The following USP49 variants were observed in gnomAD, a reference collection of about 807,000 sequenced individuals.
USP49 encodes the protein ubiquitin specific peptidase 49, also known as ubiquitin carboxyl-terminal hydrolase 49.
A neutral mutation model predicts 58.6 loss-of-function variants in USP49; 24 were observed. The ratio of observed to expected loss-of-function variants is 0.41; its 90% CI spans 0.30 to 0.58. USP49 has a LOEUF of 0.58. Among genes scored for constraint, USP49 ranks in the 20% least tolerant of loss-of-function variants. The pLI is 0.30. For synonymous variants in USP49, 408 were observed against 365.1 expected, an observed-to-expected ratio of 1.12 and a Z score of -1.34; for missense variants, 703 against 866.1, an observed-to-expected ratio of 0.81 and a Z score of 2.36.
At chr6:41,887,611 T>C (rs796344005) in intron 2 of USP49, among the ~76,000 whole-genome samples, 4 of 152,316 alleles carry the variant, frequency 2.6e-5, no homozygotes, top group African/African-American at 9.6e-5. Flanking sequence ...CTTTAAAACA[T>C]ATCTTTAAAA....
At chr6:41,840,056 T>C (rs1187413345) in intron 3 of USP49, among the ~76,000 whole-genome samples, 2 of 151,948 alleles carry the variant, frequency 1.3e-5, no homozygotes, top group Non-Finnish European at 2.9e-5. Context: ...TAAATATCAG[T>C]ATAATGAATT....
intron 3 of USP49, among the ~76,000 whole-genome samples, chr6:41,817,392 C>T (rs536027597): frequency 1.3e-5 from 2 of 151,160 alleles, no homozygotes; most frequent in South Asian, 2.1e-4. Context: ...ATGATCCACC[C>T]GACTCGGCCT....
intron 2 of USP49, among the ~76,000 whole-genome samples, chr6:41,891,406 C>T (rs1774808306): frequency 6.6e-6 from 1 of 152,166 alleles, no homozygotes; most frequent in Non-Finnish European, 1.5e-5. Context: ...CATTTAATCT[C>T]AAGGACCCTC....
chr6:41,862,586 T>C (rs1408078647), intron 3 of USP49, among the ~76,000 whole-genome samples: 1 of 152,178 alleles, frequency 6.6e-6, no homozygotes, highest in Non-Finnish European at 1.5e-5. Context: ...TTAAAAATAC[T>C]AAAAGATCAG....
At chr6:41,818,219 A>G (rs569428898) in intron 3 of USP49, among the ~76,000 whole-genome samples, 2 of 152,294 alleles carry the variant, frequency 1.3e-5, no homozygotes, top group East Asian at 1.9e-4. Flanking sequence ...TATTCTTGCT[A>G]TAAGAGTTCT....
rs1208768760 is a variant in USP49 at position 41,791,453 on chromosome 6, G to T, written c.*5080C>A. 1 of 152,164 alleles carries T rather than the reference G, an allele frequency of 6.6e-6. No homozygotes were observed. The highest frequency in any genetic ancestry group is 1.5e-5 in the Non-Finnish European group (1 of 68,034). 9.4% of individuals were successfully genotyped at this position (152,164 alleles called of 1,614,324 possible). ...TGGCTTAAATCTTCAAAGTGGTTAA[G>T]AATTTAGTAAATAAAACTACTTAAT... is the stretch of plus-strand genomic sequence containing the variant. On this transcript the variant is annotated 3_prime_UTR_variant, in exon 8 of 8. Transcript: ENST00000682992.
chr6:41,873,749 T>C (rs760132980), intron 2 of USP49, among the ~76,000 whole-genome samples: 16 of 152,362 alleles, frequency 1.1e-4, no homozygotes, highest in Non-Finnish European at 2.1e-4. Context: ...ATATGGAGTT[T>C]AGGCTTAAAG....
intron 2 of USP49, among the ~76,000 whole-genome samples, chr6:41,891,413 C>T (rs1054192440): frequency 5.9e-5 from 9 of 152,090 alleles, no homozygotes; most frequent in African/African-American, 2.2e-4. Flanking sequence ...TCTCAAGGAC[C>T]CTCTATTTCA....
rs1296913860 is a variant in USP49 at position 41,798,889 on chromosome 6, C to T, written c.1711G>A (p.Val571Ile). 6.2e-7 allele frequency: 1 copy of T among 1,613,888 alleles called. No homozygotes were observed. Among genetic ancestry groups the T allele is most frequent in the Non-Finnish European group, 8.5e-7 (1 of 1,180,022 alleles). Residue 571 changes from valine to isoleucine, a missense_variant, in exon 7 of 8, where the codon GTC becomes ATC. Val to Ile is a conservative substitution (Grantham distance 29, BLOSUM62 3). Transcript: ENST00000682992. ...ATGGTTAATACCTGGTCAAAGACGA[C>T]ATGGACCCCAATCTTCTCTCGATGA... ...RNHREKIGVHVVFDQVLTMEP... is the reference protein window; with the variant it reads ...RNHREKIGVHIVFDQVLTMEP...
chr6:41,844,031 C>T (rs1311125492), intron 3 of USP49, among the ~76,000 whole-genome samples: 2 of 150,692 alleles, frequency 1.3e-5, no homozygotes, highest in Non-Finnish European at 1.5e-5. Context: ...GCAACAAGAG[C>T]GAAAATCCAT....
chr6:41,800,085 T>G, intron 5 of USP49, 147 bp from the exon 6 acceptor site: 1 of 657,006 alleles, frequency 1.5e-6, no homozygotes, highest in Non-Finnish European at 2.7e-6. Context: ...GTGACACTCT[T>G]TATGACTGCA....
chr6:41,798,952 T>C, intron 6 of USP49, 23 bp from the exon 7 acceptor site: 1 of 1,606,462 alleles, frequency 6.2e-7, no homozygotes, highest in Non-Finnish European at 8.5e-7. Context: ...TATAAGCTTG[T>C]TACTAGTAAA....
chr6:41,822,632 G>A (rs1012785704), intron 3 of USP49, among the ~76,000 whole-genome samples: 1 of 152,094 alleles, frequency 6.6e-6, no homozygotes, highest in Non-Finnish European at 1.5e-5. Context: ...CGGATCACGA[G>A]GTCAAGAAAT....
chr6:41,807,792 G>T (rs1206626993), intron 3 of USP49, among the ~76,000 whole-genome samples: 28 of 144,434 alleles, frequency 1.9e-4, no homozygotes, highest in Middle Eastern at 3.7e-3. Flanking sequence ...TTTTTTTTTT[G>T]AGGTCGAGCC....
intron 3 of USP49, among the ~76,000 whole-genome samples, chr6:41,834,026 T>C (rs1773682648): frequency 6.6e-6 from 1 of 152,212 alleles, no homozygotes; most frequent in Admixed American, 6.5e-5. Flanking sequence ...CCTGTACACA[T>C]ATTTGAATAG....
chr6:41,840,373 CAAA>C (rs55886124), intron 3 of USP49, among the ~76,000 whole-genome samples: 4 of 82,518 alleles, frequency 4.8e-5, no homozygotes, highest in Admixed American at 1.4e-4. Context: ...AACTCCGTCT[CAAA>C]AAAAAAAAAA....
chr6:41,884,425 C>T (rs1160876965), intron 2 of USP49, among the ~76,000 whole-genome samples: 2 of 152,190 alleles, frequency 1.3e-5, no homozygotes, highest in African/African-American at 4.8e-5. Context: ...AATTCTACAA[C>T]AGTGTGGTAT....
At chr6:41,823,267 T>C (rs1461416093) in intron 3 of USP49, among the ~76,000 whole-genome samples, 1 of 152,102 alleles carries the variant, frequency 6.6e-6, no homozygotes, top group African/African-American at 2.4e-5. Flanking sequence ...GGGAAAAAAA[T>C]CACATTACCT....
chr6:41,834,173 T>C (rs999823713), intron 3 of USP49, among the ~76,000 whole-genome samples: 3 of 152,206 alleles, frequency 2.0e-5, no homozygotes, highest in African/African-American at 7.2e-5. Flanking sequence ...GTCCTTGAGA[T>C]GTCTGACCTA....
Sources: allele counts gnomAD v4.1 joint callset (sites outside exome capture counted in the v4.1 genomes callset), GRCh38; gene constraint gnomAD v4.1.1; transcripts MANE v1.5; gene names NCBI Gene and HGNC (gene_info 2026-07-23, HGNC 2026-07-21).